SLC39A14: variants seen among roughly 807,000 people sequenced by gnomAD.
SLC39A14 encodes solute carrier family 39 member 14.
SLC39A14 carries 19 observed loss-of-function variants against 45.5 expected under a neutral mutation model. That is an observed-to-expected ratio of 0.42 (90% CI 0.29 to 0.61). The LOEUF (loss-of-function observed/expected upper bound fraction) is 0.61. SLC39A14 is among the 20% of genes least tolerant of loss of function. The probability of loss-of-function intolerance (pLI) is 0.22; values close to 1 mark genes in which losing one functional copy is unlikely to be tolerated. For synonymous variants in SLC39A14, 264 were observed against 251.3 expected (o/e 1.05, Z -0.48); for missense variants, 447 against 616.5 (o/e 0.73, Z 2.91).
chr8:22,392,668 G>A (rs868608036), intron 1 of SLC39A14, among the ~76,000 whole-genome samples: 3 of 152,164 alleles, frequency 2.0e-5, no homozygotes, highest in East Asian at 3.8e-4. Context: ...GGAAAACACC[G>A]GCTGGCCACT....
chr8:22,410,549 G>A (rs1835511908), intron 3 of SLC39A14, among the ~76,000 whole-genome samples: 1 of 152,210 alleles, frequency 6.6e-6, no homozygotes. Context: ...AGGTTACCAA[G>A]TGATATGTAG....
downstream of SLC39A14, among the ~76,000 whole-genome samples, chr8:22,423,813 A>T (rs1019464560): frequency 1.4e-4 from 9 of 62,390 alleles, no homozygotes; most frequent in Non-Finnish European, 9.4e-5. Context: ...TCTCTCTCTC[A>T]TCTATCTTCC....
intron 3 of SLC39A14, among the ~76,000 whole-genome samples, chr8:22,408,941 C>T (rs1034000788): frequency 1.3e-5 from 2 of 151,992 alleles, no homozygotes; most frequent in South Asian, 2.1e-4. Flanking sequence ...CTGCCTCAGC[C>T]TCCTGAGTAG....
At chr8:22,387,785 C>G (rs906529154) in intron 1 of SLC39A14, among the ~76,000 whole-genome samples, 1 of 152,200 alleles carries the variant, frequency 6.6e-6, no homozygotes, top group Non-Finnish European at 1.5e-5. Flanking sequence ...TCCTTTGTGT[C>G]TCTGGCAGGG....
At chr8:22,404,458 G>GTTTTTTTTTTTTTT (rs375772752) in intron 1 of SLC39A14, 2 of 280,476 alleles carry the variant, frequency 7.1e-6, no homozygotes, top group Admixed American at 5.7e-5. Flanking sequence ...CCGCATTGCT[G>GTTTTTTTTTTTTTT]TTTGTTTTTT....
At chr8:22,402,074 C>G (rs1834902390) in intron 1 of SLC39A14, among the ~76,000 whole-genome samples, 1 of 152,074 alleles carries the variant, frequency 6.6e-6, no homozygotes, top group South Asian at 2.1e-4. Context: ...TTCCTTATCA[C>G]ATAACTTTTC....
At chr8:22,388,718 G>A (rs1586669394) in intron 1 of SLC39A14, among the ~76,000 whole-genome samples, 1 of 152,148 alleles carries the variant, frequency 6.6e-6, no homozygotes. Flanking sequence ...CAGAGGATGT[G>A]GGAAGGCCTT....
At position 22,368,534 on chromosome 8, in the gene SLC39A14, TTATTG is replaced by T. The variant is rs1197490310; in HGVS notation, c.-16+1131_-16+1135del. Among the ~76,000 whole-genome samples, 181 of 27,194 alleles carry T rather than the reference TTATTG, an allele frequency of 6.7e-3. 1 individual carries two copies. The highest frequency in any genetic ancestry group is 0.049 in the African/African-American group (154 of 3,132). The allele number at this position is 27,194 out of a possible 152,430, so 17.8% of individuals were successfully genotyped here. A position where few individuals can be genotyped will look rare whatever the true frequency, so the allele number is the denominator to read the frequency against. On this transcript the variant is annotated intron_variant, in intron 1 of 8. Transcript: ENST00000381237. ...TTATTTTATTTTATTTTATTTTATT[TTATTG>T]TATTTTATTTTATTTGAGACGGAGT...
At chr8:22,433,867 A>ATGTTTT (rs898240300) in intron 8 of SLC39A14, 4 of 320,582 alleles carry the variant, frequency 1.2e-5, no homozygotes, top group African/African-American at 4.5e-5. Context: ...GGCCATGTTT[A>ATGTTTT]TGTTTTTGTT....
intron 1 of SLC39A14, among the ~76,000 whole-genome samples, chr8:22,370,896 C>T (rs1276320218): frequency 3.9e-5 from 6 of 152,230 alleles, no homozygotes; most frequent in African/African-American, 1.4e-4. Context: ...TGGTGGAATG[C>T]CAGGAGATAA....
At chr8:22,417,276 C>G (rs1835943078) in intron 7 of SLC39A14, among the ~76,000 whole-genome samples, 1 of 152,218 alleles carries the variant, frequency 6.6e-6, no homozygotes, top group Non-Finnish European at 1.5e-5. Context: ...GAGGCCAGTG[C>G]CAGCTGGTCA....
At chr8:22,425,511 C>T (rs1213902655), downstream of SLC39A14, among the ~76,000 whole-genome samples, 7 of 148,406 alleles carry the variant, frequency 4.7e-5, no homozygotes, top group East Asian at 4.0e-4. Flanking sequence ...ACATTGCATT[C>T]GTGATTGGTG....
intron 1 of SLC39A14, among the ~76,000 whole-genome samples, chr8:22,382,960 C>G (rs28712129): frequency 0.047 from 7,097 of 152,070 alleles, 387 homozygotes; most frequent in African/African-American, 0.13. Flanking sequence ...TCAAGCCATC[C>G]ACCCGCATCG....
chr8:22,368,534 T>G (rs1026671504), intron 1 of SLC39A14, among the ~76,000 whole-genome samples: 242 of 27,196 alleles, frequency 8.9e-3, no homozygotes, highest in African/African-American at 0.033. Context: ...TTATTTTATT[T>G]TATTGTATTT....
At chr8:22,417,930 T>C in intron 8 of SLC39A14, 95 bp downstream of exon 8, 11 of 955,716 alleles carry the variant, frequency 1.2e-5, no homozygotes, top group South Asian at 1.8e-5. Context: ...TGAGATGGAG[T>C]CTCACTCTGT....
intron 1 of SLC39A14, chr8:22,389,882 A>C (rs1247657818): frequency 1.3e-5 from 2 of 156,538 alleles, no homozygotes; most frequent in Admixed American, 1.3e-4. Flanking sequence ...GTGAATTCAC[A>C]GGGAAGAGGT....
intron 1 of SLC39A14, among the ~76,000 whole-genome samples, chr8:22,377,703 A>G (rs1179845688): frequency 2.0e-5 from 3 of 152,142 alleles, no homozygotes; most frequent in Admixed American, 6.6e-5. Context: ...TTTTGCTCCT[A>G]TTATCGTGGC....
chr8:22,372,281 A>G (rs1363688266), intron 1 of SLC39A14, among the ~76,000 whole-genome samples: 3 of 152,188 alleles, frequency 2.0e-5, no homozygotes, highest in Admixed American at 2.0e-4. Flanking sequence ...GGTAAAAAAC[A>G]GCAAAACCTT....
chr8:22,383,082 G>A (rs1047345625), intron 1 of SLC39A14, among the ~76,000 whole-genome samples: 3 of 152,082 alleles, frequency 2.0e-5, no homozygotes, highest in Non-Finnish European at 4.4e-5. Context: ...GCTGGCTTTG[G>A]TGGAAAGCTG....
Sources: gnomAD v4.1 joint callset for allele counts (sites outside exome capture counted in the v4.1 genomes callset) on GRCh38, gnomAD v4.1.1 for gene constraint, MANE v1.5 for transcripts, NCBI Gene and HGNC (gene_info 2026-07-23, HGNC 2026-07-21) for gene names.